The following EZR variants were observed in gnomAD, a reference collection of about 807,000 sequenced individuals.
The protein encoded by EZR is cytovillin 2.
EZR carries 40 observed loss-of-function variants against 74.8 expected under a neutral mutation model. That is an observed-to-expected ratio of 0.53 (90% CI 0.42 to 0.70). The LOEUF is 0.70. Ranked by LOEUF, EZR falls within the 30% of genes least tolerant of loss-of-function variation. The pLI is 0.00. For missense variants in EZR, 678 were observed against 755.8 expected (o/e 0.90, Z 1.21); for synonymous variants, 341 against 283.3 (o/e 1.20, Z -2.05).
chr6:158,789,810 G>C (rs533877294), intron 2 of EZR, among the ~76,000 whole-genome samples: 10 of 152,282 alleles, frequency 6.6e-5, no homozygotes, highest in African/African-American at 2.4e-4. Context: ...TGTAGAGACG[G>C]GGTCTCACTA....
chr6:158,814,894 GGAAATGAGTAT>G (rs1777522639), intron 2 of EZR, among the ~76,000 whole-genome samples: 1 of 152,106 alleles, frequency 6.6e-6, no homozygotes, highest in Non-Finnish European at 1.5e-5. Flanking sequence ...AGAAAACACA[GGAAATGAGTAT>G]TTTCAGTTAT....
At chr6:158,770,116 T>A (rs1459233438) in intron 10 of EZR, among the ~76,000 whole-genome samples, 172 bp from the exon 11 acceptor site, 1 of 152,214 alleles carries the variant, frequency 6.6e-6, no homozygotes, top group Non-Finnish European at 1.5e-5. Flanking sequence ...TGCTGCTGTA[T>A]CCATGACAAC....
chr6:158,782,387 C>G (rs1032377472), intron 7 of EZR, among the ~76,000 whole-genome samples: 7 of 152,162 alleles, frequency 4.6e-5, no homozygotes, highest in African/African-American at 1.4e-4. Flanking sequence ...TTGGGGGAAC[C>G]TGAGATGTGG....
Position 158,787,216 on chromosome 6 carries a change from G to C in EZR, c.97-13C>G, listed in dbSNP as rs575727108. On this transcript the variant is annotated splice_polypyrimidine_tract_variant and intron_variant, in intron 3 of 13. Transcript: ENST00000367075. ...TAGTCTTTACCACCTGCGTGAGAGAGAGAGAGGCTCAACACTCATGAGAAA... is the reference window on the plus strand; with the variant it reads ...TAGTCTTTACCACCTGCGTGAGAGACAGAGAGGCTCAACACTCATGAGAAA... 59 of 1,608,030 alleles carry C rather than the reference G, an allele frequency of 3.7e-5. 1 individual carries two copies. In the South Asian group the frequency reaches 6.2e-4, roughly 17 times the overall value.
At chr6:158,774,607 T>C (rs1791212544) in intron 8 of EZR, among the ~76,000 whole-genome samples, 1 of 150,472 alleles carries the variant, frequency 6.6e-6, no homozygotes, top group South Asian at 2.1e-4. Context: ...TGCGTTACAA[T>C]GGCTTCTGCT....
chr6:158,767,162 G>A (rs1271426819), intron 13 of EZR, 84 bp from the exon 14 acceptor site: 2 of 1,586,784 alleles, frequency 1.3e-6, no homozygotes, highest in Non-Finnish European at 1.7e-6. Context: ...AGGGCAAGAG[G>A]GGTGCTGGGT....
chr6:158,783,651 C>T lies in EZR; in HGVS notation c.567G>A (p.Leu189=), dbSNP rs562603918. 5 of 1,613,652 alleles carry T rather than the reference C, an allele frequency of 3.1e-6. No homozygotes were observed. Among genetic ancestry groups the T allele is most frequent in the South Asian group, 1.1e-5 (1 of 91,060 alleles). ...HRGMLKDNAM[L]EYLKIAQDLE... is the part of the protein sequence containing the mutation. ...GGTCCTGAGCAATCTTCAGGTATTC[C>T]AACATAGCATTATCTCTAATTGGGG... The change falls in exon 7 of 14, where the codon TTG becomes TTA. Residue 189 remains leucine, a synonymous_variant. Coordinates refer to ENST00000367075, the MANE Select transcript of EZR (RefSeq NM_001111077.2).
chr6:158,776,544 A>G (rs752899628), intron 7 of EZR, 40 bp from the exon 8 acceptor site: 13 of 1,420,854 alleles, frequency 9.1e-6, no homozygotes, highest in South Asian at 6.2e-5. Flanking sequence ...AGATGTATAC[A>G]TATGTTCTTG....
At chr6:158,782,102 T>C (rs1279772681) in intron 7 of EZR, among the ~76,000 whole-genome samples, 1 of 151,798 alleles carries the variant, frequency 6.6e-6, no homozygotes, top group Non-Finnish European at 1.5e-5. Flanking sequence ...ACACTTGGAG[T>C]AGGAGCGAAC....
intron 2 of EZR, among the ~76,000 whole-genome samples, chr6:158,791,439 G>A (rs1221433030): frequency 6.6e-6 from 1 of 152,106 alleles, no homozygotes; most frequent in Non-Finnish European, 1.5e-5. Flanking sequence ...ATGTATTAGA[G>A]ATGGGAAAAC....
intron 2 of EZR, among the ~76,000 whole-genome samples, chr6:158,807,407 G>T (rs922225580): frequency 4.0e-5 from 6 of 151,754 alleles, no homozygotes; most frequent in African/African-American, 1.4e-4. Flanking sequence ...GGTGCAATAG[G>T]TAAAATACTA....
At chr6:158,779,020 A>C (rs1251196193) in intron 7 of EZR, among the ~76,000 whole-genome samples, 1 of 152,170 alleles carries the variant, frequency 6.6e-6, no homozygotes, top group African/African-American at 2.4e-5. Flanking sequence ...TATCTCCCCC[A>C]AATATACTGA....
chr6:158,781,317 A>G (rs1274089642), intron 7 of EZR, among the ~76,000 whole-genome samples: 1 of 152,096 alleles, frequency 6.6e-6, no homozygotes, highest in African/African-American at 2.4e-5. Flanking sequence ...GAATGGGGAG[A>G]AGAGAGGCAG....
chr6:158,810,850 C>CT (rs984589449), intron 2 of EZR, among the ~76,000 whole-genome samples: 1 of 152,174 alleles, frequency 6.6e-6, no homozygotes, highest in East Asian at 1.9e-4. Context: ...CTGATAAAAA[C>CT]TTTGTCTCCG....
chr6:158,778,259 C>T lies in EZR; in HGVS notation c.699-1755G>A, dbSNP rs146786563. Reference sequence around the variant, plus strand: ...CTTCAAGGGGCTGGGATCCCCTCTCCGGCTCCTGTCTCTACACAGGACTCT... The same window carrying T: ...CTTCAAGGGGCTGGGATCCCCTCTCTGGCTCCTGTCTCTACACAGGACTCT... On this transcript the variant is annotated intron_variant, in intron 7 of 13. Coordinates refer to ENST00000367075, the MANE Select transcript of EZR (RefSeq NM_001111077.2). Among the ~76,000 whole-genome samples the T allele has an allele frequency of 3.6e-3, 549 of 152,310 alleles. 5 individuals are homozygous for T. Among genetic ancestry groups the T allele is most frequent in the African/African-American group, 0.011 (444 of 41,576 alleles).
At chr6:158,812,388 T>A (rs1777467835) in intron 2 of EZR, among the ~76,000 whole-genome samples, 1 of 152,158 alleles carries the variant, frequency 6.6e-6, no homozygotes, top group Non-Finnish European at 1.5e-5. Context: ...CTGGAGAGCT[T>A]ATTTAAAACA....
intron 2 of EZR, among the ~76,000 whole-genome samples, chr6:158,815,744 G>C (rs953208423): frequency 6.6e-6 from 1 of 152,154 alleles, no homozygotes; most frequent in Non-Finnish European, 1.5e-5. Flanking sequence ...TTACAGGCTC[G>C]TGCCTGTAAT....
At chr6:158,811,801 G>A (rs866651947) in intron 2 of EZR, among the ~76,000 whole-genome samples, 2 of 151,800 alleles carry the variant, frequency 1.3e-5, no homozygotes, top group African/African-American at 4.8e-5. Flanking sequence ...GTGGGGGCCG[G>A]GGCACTGAGG....
At position 158,785,350 on chromosome 6, in the gene EZR, G is replaced by A. The variant is rs200434638; in HGVS notation, c.426C>T (p.His142=). The A allele has an allele frequency of 6.2e-7, 1 of 1,614,226 alleles. No homozygotes were observed. The highest frequency in any genetic ancestry group is 1.3e-5 in the African/African-American group (1 of 75,066). The part of the protein sequence containing the change: ...AKFGDYNKEV[H]KSGYLSSERL... ...GCTCAGAGCTGAGGTACCCAGACTT[G>A]TGCACTTCTTTGTTGTAGTCCCCAA... Residue 142 remains histidine (H), a synonymous_variant, in exon 5 of 14, where the codon CAC becomes CAT. Coordinates refer to ENST00000367075, the MANE Select transcript of EZR (RefSeq NM_001111077.2).
Sources: gnomAD v4.1 joint callset for allele counts (sites outside exome capture counted in the v4.1 genomes callset) on GRCh38, gnomAD v4.1.1 for gene constraint, MANE v1.5 for transcripts, NCBI Gene and HGNC (gene_info 2026-07-23, HGNC 2026-07-21) for gene names.